UNC13C: variants seen among roughly 807,000 people sequenced by gnomAD.
The protein encoded by UNC13C is protein unc-13 homolog C.
UNC13C carries 174 observed loss-of-function variants against 245.4 expected under a neutral mutation model. That is an observed-to-expected ratio of 0.71 (90% confidence interval 0.63 to 0.80). The LOEUF (loss-of-function observed/expected upper bound fraction) is 0.80. Among genes scored for constraint, UNC13C ranks in the 30% least tolerant of loss-of-function variants. The pLI is 0.00. For synonymous variants in UNC13C, 992 were observed against 895.1 expected (o/e 1.11, Z -1.93); for missense variants, 2,829 against 2,602.9 (o/e 1.09, Z -1.89).
chr15:54,575,791 C>T (rs150263704), intron 30 of UNC13C, among the ~76,000 whole-genome samples: 187 of 152,272 alleles, frequency 1.2e-3, no homozygotes, highest in Non-Finnish European at 2.4e-3. Flanking sequence ...CACTCTCTGC[C>T]CCTTAGGCAC....
chr15:54,330,403 C>T (rs925505507), intron 14 of UNC13C, among the ~76,000 whole-genome samples: 2 of 151,956 alleles, frequency 1.3e-5, no homozygotes, highest in African/African-American at 4.8e-5. Context: ...GCACATTTGA[C>T]ATATGATATT....
chr15:54,490,414 A>G (rs1893643492), intron 19 of UNC13C, among the ~76,000 whole-genome samples: 1 of 152,168 alleles, frequency 6.6e-6, no homozygotes, highest in Non-Finnish European at 1.5e-5. Context: ...AACAGGAATG[A>G]AGAGACTGCA....
chr15:54,274,281 T>G (rs575918812), intron 10 of UNC13C, among the ~76,000 whole-genome samples: 2 of 152,286 alleles, frequency 1.3e-5, no homozygotes, highest in Admixed American at 1.3e-4. Flanking sequence ...TTTAAATAGG[T>G]AAGCAATGTG....
At chr15:54,518,129 G>A (rs1389753378) in intron 24 of UNC13C, among the ~76,000 whole-genome samples, 1 of 152,002 alleles carries the variant, frequency 6.6e-6, no homozygotes, top group Non-Finnish European at 1.5e-5. Context: ...TGAACTTAAT[G>A]GAAAATTAAG....
downstream of UNC13C, chr15:54,633,353 A>C (rs1901492146): frequency 6.6e-6 from 1 of 152,214 alleles, no homozygotes; most frequent in South Asian, 2.1e-4. Context: ...AATCCTACCA[A>C]GGATTTCTTC....
At chr15:54,301,514 C>T (rs141662239) in intron 13 of UNC13C, among the ~76,000 whole-genome samples, 2 of 152,122 alleles carry the variant, frequency 1.3e-5, no homozygotes, top group African/African-American at 4.8e-5. Context: ...GTTCAGCTCT[C>T]ACTTTTGAGT....
intron 30 of UNC13C, among the ~76,000 whole-genome samples, chr15:54,580,941 TA>T (rs1898172991): frequency 6.6e-6 from 1 of 152,190 alleles, no homozygotes; most frequent in Admixed American, 6.5e-5. Context: ...GGTTGTCAAA[TA>T]ATCATATATT....
chr15:54,013,590 G>A lies in UNC13C; in HGVS notation c.687G>A (p.Gly229=). 6.2e-7 allele frequency: 1 copy of A among 1,613,674 alleles called. No homozygotes were observed. The highest frequency in any genetic ancestry group is 8.5e-7 in the Non-Finnish European group (1 of 1,179,752). Reference sequence around the variant, plus strand: ...CAAAGACAAATGCCCTGGAGCCAGGGTTCAGTTCCTCTGGCTGCATTAGCC... The same window carrying A: ...CAAAGACAAATGCCCTGGAGCCAGGATTCAGTTCCTCTGGCTGCATTAGCC... The part of the protein sequence containing the change: ...RNPKTNALEP[G]FSSSGCISQT... Residue 229 remains glycine (G), a synonymous_variant, in exon 2 of 33, where the codon GGG becomes GGA. Coordinates refer to ENST00000260323, the MANE Select transcript of UNC13C (RefSeq NM_001080534.3).
chr15:54,479,132 C>T (rs1256978306), intron 19 of UNC13C, among the ~76,000 whole-genome samples: 1 of 151,918 alleles, frequency 6.6e-6, no homozygotes, highest in African/African-American at 2.4e-5. Flanking sequence ...ATATGCTGTC[C>T]AGTGCTTCAA....
At position 54,500,844 on chromosome 15, in the gene UNC13C, A is replaced by T; in HGVS notation, c.5167A>T (p.Thr1723Ser). The T allele has an allele frequency of 6.2e-7, 1 of 1,612,682 alleles. No individual in the cohort carries two copies. Among genetic ancestry groups the T allele is most frequent in the East Asian group, 2.2e-5 (1 of 44,838 alleles). Reference protein sequence around the residue: ...GRDKKDGFQQTSEHALFSCSV... With the variant: ...GRDKKDGFQQSSEHALFSCSV... ...CCTCCTCTCCCCACAGTTCCAGCAG[A>T]CATCTGAGCATGCTCTCTTTTCTTG... Residue 1723 changes from threonine (T) to serine (S), a missense_variant, in exon 22 of 33, where the codon ACA (threonine) becomes TCA (serine). Transcript: ENST00000260323.
intron 19 of UNC13C, among the ~76,000 whole-genome samples, chr15:54,443,928 A>G (rs1890665910): frequency 6.6e-6 from 1 of 152,020 alleles, no homozygotes. Context: ...CATTTGCTCT[A>G]AAATTTAGTT....
the UNC13C span, among the ~76,000 whole-genome samples, chr15:53,875,903 T>C: frequency 6.6e-6 from 1 of 152,092 alleles, no homozygotes; most frequent in East Asian, 1.9e-4. Flanking sequence ...GACACTGAAG[T>C]GTCAATGTTA....
chr15:54,153,869 C>G (rs762537733), intron 4 of UNC13C, among the ~76,000 whole-genome samples: 1 of 151,792 alleles, frequency 6.6e-6, no homozygotes, highest in Non-Finnish European at 1.5e-5. Context: ...AGGGGTGGCT[C>G]TTATTGAAAT....
chr15:54,063,625 A>C (rs1897942780), intron 2 of UNC13C, among the ~76,000 whole-genome samples: 1 of 152,210 alleles, frequency 6.6e-6, no homozygotes, highest in African/African-American at 2.4e-5. Context: ...ATAGCATGGA[A>C]AATAAACTGC....
intron 10 of UNC13C, among the ~76,000 whole-genome samples, chr15:54,281,270 A>G (rs183769540): frequency 1.3e-5 from 2 of 152,280 alleles, no homozygotes; most frequent in East Asian, 1.9e-4. Flanking sequence ...AATGTTTATT[A>G]GTCTTTATAC....
At chr15:54,082,191 G>T (rs1898979466) in intron 2 of UNC13C, among the ~76,000 whole-genome samples, 1 of 152,064 alleles carries the variant, frequency 6.6e-6, no homozygotes. Flanking sequence ...TTTACTCTAT[G>T]CCTTCAAGTT....
chr15:54,250,923 A>G (rs1420094616), intron 8 of UNC13C, among the ~76,000 whole-genome samples: 1 of 151,220 alleles, frequency 6.6e-6, no homozygotes, highest in Non-Finnish European at 1.5e-5. Flanking sequence ...AGCCTGGCTA[A>G]TTTTTTGTAT....
chr15:54,173,990 A>C (rs1193026234), intron 4 of UNC13C, among the ~76,000 whole-genome samples: 2 of 152,130 alleles, frequency 1.3e-5, no homozygotes, highest in Non-Finnish European at 2.9e-5. Flanking sequence ...TAGGGAATTA[A>C]ATTGATTGGT....
intron 2 of UNC13C, among the ~76,000 whole-genome samples, chr15:54,116,762 A>G: frequency 6.6e-6 from 1 of 152,040 alleles, no homozygotes; most frequent in East Asian, 1.9e-4. Flanking sequence ...TTTCTTTAAT[A>G]TATTGATTTT....
Sources: gnomAD v4.1 joint callset for allele counts (sites outside exome capture counted in the v4.1 genomes callset) on GRCh38, gnomAD v4.1.1 for gene constraint, MANE v1.5 for transcripts, NCBI Gene and HGNC (gene_info 2026-07-23, HGNC 2026-07-21) for gene names.